The following HBS1L variants were observed in gnomAD, a reference collection of about 807,000 sequenced individuals.
HBS1L encodes the protein HBS1 like translational GTPase.
Under a neutral mutation model 88.9 loss-of-function variants are expected in HBS1L, and 55 were observed. The ratio of observed to expected loss-of-function variants is 0.62; its 90% CI spans 0.50 to 0.77. The LOEUF (loss-of-function observed/expected upper bound fraction) is 0.77, where lower values mean the gene tolerates loss of function less well. Ranked by LOEUF, HBS1L falls within the 30% of genes least tolerant of loss-of-function variation. HBS1L has a pLI of 0.00. For synonymous variants in HBS1L, 267 were observed against 288.5 expected, an observed-to-expected ratio of 0.93 and a Z score of 0.76; for missense variants, 741 against 829.3, an observed-to-expected ratio of 0.89 and a Z score of 1.31.
chr6:135,006,428 A>G (rs891601945), intron 4 of HBS1L, among the ~76,000 whole-genome samples: 3 of 152,188 alleles, frequency 2.0e-5, no homozygotes, highest in Non-Finnish European at 4.4e-5. Flanking sequence ...AGAAGAAAAG[A>G]GTAAGCCAGC....
At chr6:135,036,710 G>A in intron 4 of HBS1L, 1 of 1,551,188 alleles carries the variant, frequency 6.4e-7, no homozygotes, top group Admixed American at 2.0e-5. Context: ...GTCTTATAGA[G>A]GTCAAGGGTG....
intron 4 of HBS1L, among the ~76,000 whole-genome samples, chr6:135,034,359 T>C (rs2114886687): frequency 6.6e-6 from 1 of 152,264 alleles, no homozygotes; most frequent in South Asian, 2.1e-4. Flanking sequence ...AAAAAAAATA[T>C]TTGGCCAGGC....
chr6:134,999,947 G>C (rs1775402297), intron 5 of HBS1L, among the ~76,000 whole-genome samples: 1 of 152,134 alleles, frequency 6.6e-6, no homozygotes, highest in South Asian at 2.1e-4. Flanking sequence ...TGACCATTTG[G>C]ATTTCAGGCC....
At chr6:135,052,499 G>C (rs893156965) in intron 1 of HBS1L, among the ~76,000 whole-genome samples, 3 of 151,652 alleles carry the variant, frequency 2.0e-5, no homozygotes, top group African/African-American at 7.3e-5. Flanking sequence ...TTGAGCCCAG[G>C]AGTTGGAGGT....
chr6:135,045,567 G>A (rs1487558572), intron 2 of HBS1L, among the ~76,000 whole-genome samples: 5 of 152,188 alleles, frequency 3.3e-5, no homozygotes, highest in African/African-American at 1.2e-4. Context: ...CAGGCACAGT[G>A]GCTCATGCCT....
At chr6:135,050,764 C>T in intron 1 of HBS1L, 117 bp from the exon 2 acceptor site, 1 of 649,030 alleles carries the variant, frequency 1.5e-6, no homozygotes, top group South Asian at 2.1e-5. Context: ...ATTTAAGGAT[C>T]CTAGAATGTC....
Position 134,961,191 on chromosome 6 carries a change from G to A in HBS1L, c.*4088C>T, listed in dbSNP as rs1035578333. ...AACTTTGTTTTATGGGATTATCAGA[G>A]TAACAAAATAATGTAGTCCCTTTAT... On this transcript the variant is annotated 3_prime_UTR_variant, in exon 18 of 18. Coordinates refer to ENST00000367837, the MANE Select transcript of HBS1L (RefSeq NM_006620.4). 2.7e-5 allele frequency: 4 copies of A among 147,048 alleles called. No individual in the cohort carries two copies. Among genetic ancestry groups the A allele is most frequent in the African/African-American group, 1.0e-4 (4 of 39,944 alleles). The allele number at this position is 147,048 out of a possible 1,614,324, so 9.1% of individuals were successfully genotyped here.
At chr6:135,050,204 C>G (rs535922689) in intron 2 of HBS1L, among the ~76,000 whole-genome samples, 52 of 152,310 alleles carry the variant, frequency 3.4e-4, no homozygotes, top group South Asian at 1.2e-3. Flanking sequence ...AAAGGAAAGT[C>G]TAGGCATAAC....
At chr6:134,966,521 A>C (rs745623334) in intron 16 of HBS1L, 48 bp from the exon 17 acceptor site, 1 of 1,231,108 alleles carries the variant, frequency 8.1e-7, no homozygotes, top group Non-Finnish European at 1.1e-6. Context: ...GAGGTGAATA[A>C]ATGTAATAAT....
Position 134,965,414 on chromosome 6 carries a change from C to A in HBS1L, c.2044-124G>T. On this transcript the variant is annotated intron_variant, in intron 17 of 17. Coordinates refer to ENST00000367837, the MANE Select transcript of HBS1L (RefSeq NM_006620.4). ...AGAGAAAATCTTTTTCTTTGTCCTGCAACTTTCTTCCTTTCCTAGTCATGC... is the reference window on the plus strand; with the variant it reads ...AGAGAAAATCTTTTTCTTTGTCCTGAAACTTTCTTCCTTTCCTAGTCATGC... The A allele has an allele frequency of 1.5e-5, 10 of 670,148 alleles. No individual in the cohort carries two copies. In the South Asian group the frequency reaches 1.7e-4, roughly 12 times the overall value. 41.5% of individuals were successfully genotyped at this position (670,148 alleles called of 1,614,324 possible).
At chr6:135,002,957 T>C (rs1168960137) in intron 4 of HBS1L, 115 bp from the exon 5 acceptor site, 1 of 600,672 alleles carries the variant, frequency 1.7e-6, no homozygotes, top group African/African-American at 1.9e-5. Context: ...TTAATGTCTT[T>C]ATAAACACAT....
At chr6:135,048,377 GGAATCCCCTCTTTAAAAGGCT>G (rs1469315352) in intron 2 of HBS1L, among the ~76,000 whole-genome samples, 1 of 152,086 alleles carries the variant, frequency 6.6e-6, no homozygotes, top group East Asian at 1.9e-4. Context: ...TTTAAAAGGC[GGAATCCCCTCTTTAAAAGGCT>G]GAATCCCAGC....
At chr6:134,970,625 T>A (rs1003178645) in intron 15 of HBS1L, among the ~76,000 whole-genome samples, 1 of 152,206 alleles carries the variant, frequency 6.6e-6, no homozygotes, top group Non-Finnish European at 1.5e-5. Flanking sequence ...ATCAAAAAGG[T>A]TAAGCAATTT....
chr6:135,047,847 T>G (rs1300566709), intron 2 of HBS1L, among the ~76,000 whole-genome samples: 2 of 152,222 alleles, frequency 1.3e-5, no homozygotes, highest in Non-Finnish European at 2.9e-5. Flanking sequence ...TTGTCACCTC[T>G]AATATTTAAG....
chr6:135,027,979 C>T (rs1477604070), intron 4 of HBS1L, among the ~76,000 whole-genome samples: 1 of 151,974 alleles, frequency 6.6e-6, no homozygotes. Flanking sequence ...GTTGCCCAGG[C>T]TGGTCTTGAA....
intron 4 of HBS1L, among the ~76,000 whole-genome samples, chr6:135,003,405 G>C (rs1472085051): frequency 6.6e-6 from 1 of 151,830 alleles, no homozygotes; most frequent in Non-Finnish European, 1.5e-5. Context: ...ACTGAATTAA[G>C]AACATGGGGG....
In HBS1L at chr6:135,053,557, C is replaced by T. The variant is rs144402870; in HGVS notation, c.43+1092G>A. 6.0e-4 allele frequency among the ~76,000 whole-genome samples: 92 copies of T among 152,262 alleles called. 1 individual carries two copies. The highest frequency in any genetic ancestry group is 3.4e-3 in the Middle Eastern group (1 of 294). Reference sequence around the variant, plus strand: ...CCACTGCAATATTTATTTAAAAGGGCCTCCATTCTAAAGTAACCACCAGAA... The same window carrying T: ...CCACTGCAATATTTATTTAAAAGGGTCTCCATTCTAAAGTAACCACCAGAA... On this transcript the variant is annotated intron_variant, in intron 1 of 17. Coordinates refer to ENST00000367837, the MANE Select transcript of HBS1L (RefSeq NM_006620.4).
At chr6:135,001,669 A>G (rs1775463276) in intron 5 of HBS1L, among the ~76,000 whole-genome samples, 1 of 152,156 alleles carries the variant, frequency 6.6e-6, no homozygotes, top group South Asian at 2.1e-4. Context: ...TACTCATGAT[A>G]AAAATTAACT....
intron 2 of HBS1L, among the ~76,000 whole-genome samples, chr6:135,042,783 A>C (rs1776780995): frequency 6.6e-6 from 1 of 151,236 alleles, no homozygotes; most frequent in African/African-American, 2.4e-5. Flanking sequence ...ATTGCACTCC[A>C]GCCTGGGTGA....
Sources: gnomAD v4.1 joint callset for allele counts (sites outside exome capture counted in the v4.1 genomes callset) on GRCh38, gnomAD v4.1.1 for gene constraint, MANE v1.5 for transcripts, NCBI Gene and HGNC (gene_info 2026-07-23, HGNC 2026-07-21) for gene names.